DCP2: variants seen among roughly 807,000 people sequenced by gnomAD.
DCP2 encodes the protein decapping mRNA 2, also known as m7GpppN-mRNA hydrolase.
A neutral mutation model predicts 56.1 loss-of-function variants in DCP2; 30 were observed. That is an observed-to-expected ratio of 0.53 (90% CI 0.40 to 0.73). DCP2 has a LOEUF of 0.73. Among genes scored for constraint, DCP2 ranks in the 30% least tolerant of loss-of-function variants. The pLI is 0.00. For missense variants in DCP2, 533 were observed against 502.7 expected, an observed-to-expected ratio of 1.06 and a Z score of -0.58; for synonymous variants, 197 against 163.3, an observed-to-expected ratio of 1.21 and a Z score of -1.57.
intron 1 of DCP2, among the ~76,000 whole-genome samples, chr5:112,977,790 C>T (rs955651059): frequency 2.6e-5 from 4 of 151,952 alleles, no homozygotes; most frequent in African/African-American, 9.7e-5. Flanking sequence ...GCAGTGATAC[C>T]CGGAGTTGTC....
At chr5:113,007,245 T>C (rs1749480945) in intron 8 of DCP2, among the ~76,000 whole-genome samples, 1 of 152,212 alleles carries the variant, frequency 6.6e-6, no homozygotes, top group Non-Finnish European at 1.5e-5. Context: ...AATTGATTAC[T>C]ACATCTACCC....
chr5:112,980,320 G>A (rs1220095955), intron 1 of DCP2, among the ~76,000 whole-genome samples: 1 of 152,154 alleles, frequency 6.6e-6, no homozygotes, highest in Non-Finnish European at 1.5e-5. Context: ...GTATTTTCTG[G>A]CAACTAGTGT....
At chr5:112,980,211 C>T (rs1245051441) in intron 1 of DCP2, among the ~76,000 whole-genome samples, 2 of 152,096 alleles carry the variant, frequency 1.3e-5, no homozygotes, top group Non-Finnish European at 2.9e-5. Flanking sequence ...AAAGTAGAAA[C>T]TGAAAAGTTG....
At chr5:113,010,864 C>T (rs1749655371) in intron 10 of DCP2, 57 bp downstream of exon 10, 1 of 1,544,424 alleles carries the variant, frequency 6.5e-7, no homozygotes, top group Non-Finnish European at 8.7e-7. Flanking sequence ...GTTTGGTTTA[C>T]CTAACTTTGA....
At position 112,992,262 on chromosome 5, in the gene DCP2, A is replaced by C; in HGVS notation, c.333+14A>C. 1.2e-6 allele frequency: 2 copies of C among 1,602,400 alleles called. No homozygotes were observed. Among genetic ancestry groups the C allele is most frequent in the African/African-American group, 2.7e-5 (2 of 74,372 alleles). On this transcript the variant is annotated intron_variant, in intron 3 of 10. Transcript: ENST00000389063. ...ACACTTGAAAATGTGAGTGTAATGAAATAAAGATTTTTAGTGAAATGGTGA... is the reference window on the plus strand; with the variant it reads ...ACACTTGAAAATGTGAGTGTAATGACATAAAGATTTTTAGTGAAATGGTGA...
intron 2 of DCP2, among the ~76,000 whole-genome samples, chr5:112,991,255 T>G (rs1748573959): frequency 6.6e-6 from 1 of 152,204 alleles, no homozygotes; most frequent in Non-Finnish European, 1.5e-5. Flanking sequence ...TTGAGAACCC[T>G]TAAAAGTATG....
chr5:113,010,056 A>G lies in DCP2; in HGVS notation c.1048-700A>G, dbSNP rs1233352887. ...GCTCTTTTTTTTTTTTTTTTGAGAC[A>G]GGGTTTTGCTCTGTCACCCAGGCTG... On this transcript the variant is annotated intron_variant, in intron 9 of 10. Transcript: ENST00000389063. 2.8e-5 allele frequency among the ~76,000 whole-genome samples: 4 copies of G among 142,188 alleles called. No individual in the cohort carries two copies. The East Asian group carries it at 8.1e-4, about 29-fold the overall frequency. The allele number at this position is 142,188 out of a possible 152,430, so 93.3% of individuals were successfully genotyped here. A position where few individuals can be genotyped will look rare whatever the true frequency, so the allele number is the denominator to read the frequency against.
In DCP2 at chr5:113,019,096, T is replaced by G. The variant is rs1425639451; in HGVS notation, c.*5612T>G. 2 of 152,210 alleles carry G rather than the reference T, an allele frequency of 1.3e-5. No homozygotes were observed. Among genetic ancestry groups the G allele is most frequent in the African/African-American group, 4.8e-5 (2 of 41,454 alleles). 9.4% of individuals were successfully genotyped at this position (152,210 alleles called of 1,614,324 possible). Reference sequence around the variant, plus strand: ...GAATTTCTGAGGTCAAATTTAACATTTAATATATTCTCCTTTTAGTTCATT... The same window carrying G: ...GAATTTCTGAGGTCAAATTTAACATGTAATATATTCTCCTTTTAGTTCATT... On this transcript the variant is annotated 3_prime_UTR_variant, in exon 11 of 11. Coordinates refer to ENST00000389063, the MANE Select transcript of DCP2 (RefSeq NM_152624.6).
At chr5:113,003,452 TGTA>T (rs1252152001) in intron 7 of DCP2, among the ~76,000 whole-genome samples, 1 of 152,098 alleles carries the variant, frequency 6.6e-6, no homozygotes, top group African/African-American at 2.4e-5. Context: ...GGCGTGTGTC[TGTA>T]GTCTCAGCAA....
At chr5:113,004,819 T>TA (rs1196665043) in intron 8 of DCP2, among the ~76,000 whole-genome samples, 5 of 151,410 alleles carry the variant, frequency 3.3e-5, no homozygotes, top group Admixed American at 2.6e-4. Context: ...TTTTTTTTTT[T>TA]TTTTATTTTA....
intron 1 of DCP2, among the ~76,000 whole-genome samples, chr5:112,983,416 A>T (rs944221940): frequency 2.0e-5 from 3 of 152,082 alleles, no homozygotes; most frequent in Non-Finnish European, 4.4e-5. Context: ...GTATTTTTTT[A>T]AAAAAATAGA....
intron 9 of DCP2, chr5:113,008,278 T>G: frequency 5.3e-6 from 2 of 378,490 alleles, no homozygotes; most frequent in Non-Finnish European, 9.5e-6. Context: ...GGCTGTTTAT[T>G]TTAATATCAA....
In DCP2 at chr5:113,003,945, A is replaced by T. The variant is rs772667852; in HGVS notation, c.810A>T (p.Arg270=). ...PAKPTVEKLS[R]TKFRHSQQLF... is the part of the protein sequence containing the mutation. ...TATTTTTTAAATCTTGGTGTAGTCG[A>T]ACCAAATTCCGCCACAGTCAGCAGT... is the stretch of plus-strand genomic sequence containing the variant. The change falls in exon 8 of 11, where the codon CGA becomes CGT. Residue 270 remains arginine, a synonymous_variant. Transcript: ENST00000389063. 6.2e-7 allele frequency: 1 copy of T among 1,614,056 alleles called. No homozygotes were observed. Among genetic ancestry groups the T allele is most frequent in the Admixed American group, 1.7e-5 (1 of 60,014 alleles).
intron 1 of DCP2, among the ~76,000 whole-genome samples, chr5:112,978,969 A>G (rs1335995830): frequency 6.6e-6 from 1 of 152,166 alleles, no homozygotes; most frequent in African/African-American, 2.4e-5. Context: ...ATTGGGGTTA[A>G]TTTGCATATT....
chr5:113,007,298 C>G (rs1749483305), intron 8 of DCP2, among the ~76,000 whole-genome samples: 1 of 151,986 alleles, frequency 6.6e-6, no homozygotes, highest in Non-Finnish European at 1.5e-5. Flanking sequence ...CTCGGCATTC[C>G]TTTACAGAGA....
At position 113,001,472 on chromosome 5, in the gene DCP2, G is replaced by A; in HGVS notation, c.698+3G>A. Reference sequence around the variant, plus strand: ...TTTATGGCCATTCCCTTTATCAGGTGTGTTCATATTTCTTGAAATGTAACT... The same window carrying A: ...TTTATGGCCATTCCCTTTATCAGGTATGTTCATATTTCTTGAAATGTAACT... On this transcript the variant is annotated splice_donor_region_variant and intron_variant, in intron 6 of 10. Transcript: ENST00000389063. 5 of 1,611,946 alleles carry A rather than the reference G, an allele frequency of 3.1e-6. No homozygotes were observed. The highest frequency in any genetic ancestry group is 4.2e-6 in the Non-Finnish European group (5 of 1,178,360).
rs1554101205 is a variant in DCP2, at chr5:113,005,151, G to GGTGTGGGTGTGTGTGTGT, written c.942+1079_942+1080insGGTGTGTGTGTGTGTGTG. Among the ~76,000 whole-genome samples, 144 of 149,522 alleles carry GGTGTGGGTGTGTGTGTGT rather than the reference G, an allele frequency of 9.6e-4. 1 individual carries two copies. Among genetic ancestry groups the GGTGTGGGTGTGTGTGTGT allele is most frequent in the African/African-American group, 3.4e-3 (136 of 40,450 alleles). On this transcript the variant is annotated intron_variant, in intron 8 of 10. Transcript: ENST00000389063. The stretch of plus-strand genomic sequence containing the variant: ...TCTCAAAAAAAAAAGTGTGCGTGTG[G>GGTGTGGGTGTGTGTGTGT]GTGTGTGTGTGTGTGTGTAAACTGG...
chr5:112,982,842 C>G (rs1167728697), intron 1 of DCP2, among the ~76,000 whole-genome samples: 1 of 152,164 alleles, frequency 6.6e-6, no homozygotes, highest in Non-Finnish European at 1.5e-5. Context: ...TCTTGTCATG[C>G]TTCACATTTT....
intron 2 of DCP2, 141 bp downstream of exon 2, chr5:112,986,127 G>A: frequency 2.8e-6 from 2 of 718,844 alleles, no homozygotes; most frequent in Non-Finnish European, 4.2e-6. Context: ...AACATAAATA[G>A]TAGACACAAT....
Sources: gnomAD v4.1 joint callset for allele counts (sites outside exome capture counted in the v4.1 genomes callset) on GRCh38, gnomAD v4.1.1 for gene constraint, MANE v1.5 for transcripts, NCBI Gene and HGNC (gene_info 2026-07-23, HGNC 2026-07-21) for gene names.